Variants in ZRANB3 observed in about 807,000 individuals in gnomAD.
The protein encoded by ZRANB3 is DNA annealing helicase and endonuclease ZRANB3.
Under a neutral mutation model 133.8 loss-of-function variants are expected in ZRANB3, and 125 were observed. The ratio of observed to expected loss-of-function variants is 0.93; its 90% CI spans 0.81 to 1.08. ZRANB3 has a LOEUF of 1.08. Ranked by LOEUF, ZRANB3 falls within the 50% of genes least tolerant of loss-of-function variation. ZRANB3 has a pLI of 0.00. For missense variants in ZRANB3, 1,229 were observed against 1,275.5 expected (o/e 0.96, Z 0.56); for synonymous variants, 387 against 432.7 (o/e 0.89, Z 1.31).
intron 19 of ZRANB3, 65 bp from the exon 20 acceptor site, chr2:135,203,028 C>T: frequency 6.4e-7 from 1 of 1,560,702 alleles, no homozygotes; most frequent in South Asian, 1.2e-5. Flanking sequence ...GTTGGTTTTG[C>T]ATTGTGCAAT....
chr2:135,522,292 A>G (rs1017170807), intron 1 of ZRANB3, among the ~76,000 whole-genome samples: 7 of 152,164 alleles, frequency 4.6e-5, no homozygotes, highest in African/African-American at 1.7e-4. Context: ...CCCTAAGAAC[A>G]AAGAGCTTGT....
Position 135,301,258 on chromosome 2 carries a change from C to T in ZRANB3, c.966+12231G>A, listed in dbSNP as rs112664768. ...TGGAGTGCAGTGGTACCGTCTCACC[C>T]CACCGCAACCTCTGCCTCCTGGGTT... On this transcript the variant is annotated intron_variant, in intron 8 of 20. Transcript: ENST00000264159. Among the ~76,000 whole-genome samples, 447 of 151,696 alleles carry T rather than the reference C, an allele frequency of 2.9e-3. 2 individuals carry two copies. Among genetic ancestry groups the T allele is most frequent in the African/African-American group, 0.01 (416 of 41,392 alleles).
chr2:135,229,512 C>A (rs949561063), intron 13 of ZRANB3, among the ~76,000 whole-genome samples: 3 of 151,460 alleles, frequency 2.0e-5, no homozygotes, highest in African/African-American at 2.4e-5. Flanking sequence ...GGACTACAGG[C>A]GCCCGCTACC....
intron 3 of ZRANB3, among the ~76,000 whole-genome samples, chr2:135,375,926 T>C (rs1203032370): frequency 6.6e-6 from 1 of 152,194 alleles, no homozygotes; most frequent in Non-Finnish European, 1.5e-5. Context: ...AAAAGATATA[T>C]TGAAGTTCTA....
chr2:135,486,727 T>G (rs995810240), intron 2 of ZRANB3, among the ~76,000 whole-genome samples: 5 of 152,168 alleles, frequency 3.3e-5, no homozygotes, highest in Non-Finnish European at 5.9e-5. Context: ...TTGACTAGGC[T>G]GGTCTCAAAC....
At chr2:135,434,846 AT>A (rs1277581169) in intron 2 of ZRANB3, among the ~76,000 whole-genome samples, 1 of 152,158 alleles carries the variant, frequency 6.6e-6, no homozygotes, top group Non-Finnish European at 1.5e-5. Context: ...TTTCTTACTT[AT>A]TTTCATTATC....
At chr2:135,201,595 A>C (rs1310017466) in intron 20 of ZRANB3, among the ~76,000 whole-genome samples, 1 of 151,368 alleles carries the variant, frequency 6.6e-6, no homozygotes, top group Admixed American at 6.6e-5. Context: ...CAGAGGTTGC[A>C]GTGAGCCGAG....
chr2:135,457,569 G>T (rs955285571), intron 2 of ZRANB3, among the ~76,000 whole-genome samples: 1 of 152,068 alleles, frequency 6.6e-6, no homozygotes, highest in Non-Finnish European at 1.5e-5. Flanking sequence ...CTCTTTGGAT[G>T]AATGTCTATT....
chr2:135,250,350 G>A (rs1471950124), intron 12 of ZRANB3, among the ~76,000 whole-genome samples: 1 of 152,192 alleles, frequency 6.6e-6, no homozygotes, highest in Non-Finnish European at 1.5e-5. Flanking sequence ...TGGAAAATTT[G>A]CAGCCTGACT....
At chr2:135,254,346 G>A (rs568157069) in intron 12 of ZRANB3, among the ~76,000 whole-genome samples, 3 of 152,274 alleles carry the variant, frequency 2.0e-5, no homozygotes, top group Non-Finnish European at 4.4e-5. Context: ...GCATTAAAAT[G>A]ATTTGTTTAC....
At chr2:135,209,006 C>A in intron 17 of ZRANB3, 28 bp from the exon 18 acceptor site, 1 of 1,588,082 alleles carries the variant, frequency 6.3e-7, no homozygotes. Context: ...TAAATAGATT[C>A]CCTCTATCTC....
At chr2:135,288,128 G>A (rs1446819716) in intron 8 of ZRANB3, among the ~76,000 whole-genome samples, 2 of 151,932 alleles carry the variant, frequency 1.3e-5, no homozygotes, top group Non-Finnish European at 2.9e-5. Flanking sequence ...ATTTGCTGAG[G>A]GTTTTAATCA....
At chr2:135,485,880 T>C (rs189745240) in intron 2 of ZRANB3, among the ~76,000 whole-genome samples, 56 of 152,374 alleles carry the variant, frequency 3.7e-4, no homozygotes, top group Admixed American at 3.2e-3. Flanking sequence ...TTACATTTTC[T>C]TCTTATATCT....
chr2:135,473,065 T>C (rs1231440920), intron 2 of ZRANB3, among the ~76,000 whole-genome samples: 2 of 152,204 alleles, frequency 1.3e-5, no homozygotes, highest in African/African-American at 4.8e-5. Context: ...TTAAGTACAT[T>C]CACTTTGTTG....
At chr2:135,249,771 G>C (rs555531004) in intron 12 of ZRANB3, among the ~76,000 whole-genome samples, 2 of 152,222 alleles carry the variant, frequency 1.3e-5, no homozygotes, top group South Asian at 4.2e-4. Context: ...GTCTTTCGCT[G>C]CCTGCTGTTG....
chr2:135,225,347 T>C lies in ZRANB3; in HGVS notation c.2159-830A>G, dbSNP rs559032811. ...GTACTTTCCCAGACCTAGAAGTCTA[T>C]GATTTGTTTGCCATTCTACTTGGCA... On this transcript the variant is annotated intron_variant, in intron 14 of 20. Coordinates refer to ENST00000264159, the MANE Select transcript of ZRANB3 (RefSeq NM_032143.4). 5.9e-5 allele frequency among the ~76,000 whole-genome samples: 9 copies of C among 152,344 alleles called. No individual in the cohort carries two copies. In the East Asian group the frequency reaches 1.5e-3, roughly 26 times the overall value.
intron 2 of ZRANB3, among the ~76,000 whole-genome samples, chr2:135,471,104 C>T (rs1203937478): frequency 1.4e-5 from 2 of 142,900 alleles, no homozygotes; most frequent in African/African-American, 5.1e-5. Context: ...CCCGGCCTCA[C>T]TTTTTTTTTT....
chr2:135,332,898 TAGTTTA>T (rs949600706), intron 6 of ZRANB3, among the ~76,000 whole-genome samples: 2 of 152,194 alleles, frequency 1.3e-5, no homozygotes, highest in African/African-American at 4.8e-5. Flanking sequence ...CTTATAAATA[TAGTTTA>T]AGTTCCCTTG....
chr2:135,287,718 G>A (rs1681455287), intron 8 of ZRANB3, among the ~76,000 whole-genome samples: 1 of 113,186 alleles, frequency 8.8e-6, no homozygotes, highest in African/African-American at 3.7e-5. Flanking sequence ...TTGAGTTCTT[G>A]ACTTGATTCT....
Sources: gnomAD v4.1 joint callset for allele counts (sites outside exome capture counted in the v4.1 genomes callset) on GRCh38, gnomAD v4.1.1 for gene constraint, MANE v1.5 for transcripts, NCBI Gene and HGNC (gene_info 2026-07-23, HGNC 2026-07-21) for gene names.